Variants in ST3GAL3 observed in about 807,000 individuals in gnomAD.
ST3GAL3 encodes CMP-N-acetylneuraminate-beta-1,4-galactoside alpha-2,3-sialyltransferase.
In ST3GAL3, 21 loss-of-function variants were observed where a neutral mutation model predicts 50.1. The observed-to-expected ratio is 0.42, with a 90% CI of 0.30 to 0.60. The LOEUF is 0.60. ST3GAL3 is among the 20% of genes least tolerant of loss of function. The pLI, the probability that ST3GAL3 is intolerant of heterozygous loss-of-function variation, is 0.19. For missense variants in ST3GAL3, 353 were observed against 489.4 expected, an observed-to-expected ratio of 0.72 and a Z score of 2.63; for synonymous variants, 183 against 190.0, an observed-to-expected ratio of 0.96 and a Z score of 0.30.
At chr1:43,841,909 C>G (rs1442368190) in intron 5 of ST3GAL3, 1 of 152,214 alleles carries the variant, frequency 6.6e-6, no homozygotes, top group African/African-American at 2.4e-5. Context: ...GCACCTGTAT[C>G]TGAGTGTAAG....
intron 5 of ST3GAL3, among the ~76,000 whole-genome samples, chr1:43,882,939 T>TTTTATTTATTTA (rs899079997): frequency 1.0e-4 from 12 of 114,728 alleles, no homozygotes; most frequent in African/African-American, 3.2e-4. Context: ...GTGCCCATTC[T>TTTTATTTATTTA]TTTATTTATT....
At chr1:43,892,487 AG>A (rs1052362286) in intron 5 of ST3GAL3, among the ~76,000 whole-genome samples, 2 of 152,216 alleles carry the variant, frequency 1.3e-5, no homozygotes, top group Non-Finnish European at 2.9e-5. Flanking sequence ...GTATACCATA[AG>A]GTTAATTATC....
intron 2 of ST3GAL3, among the ~76,000 whole-genome samples, chr1:43,787,113 C>A (rs997140695): frequency 2.6e-5 from 4 of 152,210 alleles, no homozygotes; most frequent in African/African-American, 9.7e-5. Flanking sequence ...TAAAAGATTG[C>A]CAGTAAATTC....
At chr1:43,808,776 T>C (rs189280221) in intron 3 of ST3GAL3, among the ~76,000 whole-genome samples, 2 of 152,150 alleles carry the variant, frequency 1.3e-5, no homozygotes, top group African/African-American at 4.8e-5. Flanking sequence ...AGCTGATGAG[T>C]ACATGTGGAT....
At chr1:43,927,474 A>G (rs2428960) in intron 11 of ST3GAL3, among the ~76,000 whole-genome samples, 14,974 of 152,214 alleles carry the variant, frequency 0.098, 926 homozygotes, top group South Asian at 0.22. Flanking sequence ...TTAACCCTCA[A>G]TGACTCCTAG....
intron 5 of ST3GAL3, among the ~76,000 whole-genome samples, chr1:43,884,213 G>T (rs372392998): frequency 6.6e-6 from 1 of 152,148 alleles, no homozygotes; most frequent in Non-Finnish European, 1.5e-5. Context: ...AGAGCTTCCT[G>T]AACAGGCTTG....
At chr1:43,719,727 G>A (rs1365053612) in intron 1 of ST3GAL3, among the ~76,000 whole-genome samples, 2 of 74,300 alleles carry the variant, frequency 2.7e-5, no homozygotes, top group Non-Finnish European at 8.8e-5. Context: ...GAGGTCAGGA[G>A]TTGGAGACCA....
chr1:43,754,140 T>A (rs1476267423), intron 2 of ST3GAL3, among the ~76,000 whole-genome samples: 1 of 152,168 alleles, frequency 6.6e-6, no homozygotes, highest in Non-Finnish European at 1.5e-5. Flanking sequence ...ACAGAAAAAG[T>A]AACCAATTTA....
chr1:43,763,149 T>C (rs1158759852), intron 2 of ST3GAL3, among the ~76,000 whole-genome samples: 1 of 152,200 alleles, frequency 6.6e-6, no homozygotes, highest in Non-Finnish European at 1.5e-5. Context: ...TTAGAATGTT[T>C]ACCAGTAGAG....
At chr1:43,786,187 T>G (rs150170795) in intron 2 of ST3GAL3, among the ~76,000 whole-genome samples, 182 of 152,300 alleles carry the variant, frequency 1.2e-3, no homozygotes, top group African/African-American at 4.0e-3. Flanking sequence ...ATAATCAATT[T>G]AGTTCCCACA....
chr1:43,747,052 C>T (rs1476048993), intron 2 of ST3GAL3, among the ~76,000 whole-genome samples: 1 of 152,136 alleles, frequency 6.6e-6, no homozygotes, highest in Admixed American at 6.6e-5. Flanking sequence ...AGGCGTGAGC[C>T]ACTGCGCCTG....
chr1:43,920,405 G>C lies in ST3GAL3; in HGVS notation c.746G>C (p.Ser249Thr), dbSNP rs1271880192. The change falls in exon 10 of 12, where the codon AGT (serine) becomes ACT (threonine). Residue 249 changes from serine to threonine, a missense_variant and splice_region_variant. By Grantham distance (58) the Ser-to-Thr change is moderately conservative. Transcript: ENST00000347631. ...LKYIVYKERV[S>T]ASDGFWKSVA... ...GGCCCGCTTTTGCTGTGTCCACAGA[G>C]TGCATCGGATGGCTTCTGGAAATCT... 4 of 1,613,994 alleles carry C rather than the reference G, an allele frequency of 2.5e-6. No individual in the cohort carries two copies. The South Asian group carries it at 4.4e-5, about 18-fold the overall frequency.
At chr1:43,851,744 C>T (rs545598208) in intron 5 of ST3GAL3, 151 of 966,328 alleles carry the variant, frequency 1.6e-4, no homozygotes, top group African/African-American at 1.2e-3. Context: ...TGCATGGGTC[C>T]GAAGCTGCCG....
At chr1:43,882,015 T>G (rs1393176900) in intron 5 of ST3GAL3, among the ~76,000 whole-genome samples, 3 of 152,226 alleles carry the variant, frequency 2.0e-5, no homozygotes, top group African/African-American at 7.2e-5. Flanking sequence ...ACCTGCTATG[T>G]GCTTGGCTGC....
At chr1:43,904,240 T>C (rs573743073) in intron 9 of ST3GAL3, among the ~76,000 whole-genome samples, 2 of 152,226 alleles carry the variant, frequency 1.3e-5, no homozygotes, top group Non-Finnish European at 2.9e-5. Context: ...GGCCTCTTAT[T>C]GGACCAGGCC....
intron 5 of ST3GAL3, among the ~76,000 whole-genome samples, chr1:43,857,846 C>T (rs1389114437): frequency 6.6e-6 from 1 of 152,108 alleles, no homozygotes; most frequent in Non-Finnish European, 1.5e-5. Flanking sequence ...GAACTCCTGA[C>T]CTCAGGTGAT....
At chr1:43,855,945 C>G (rs2068279151) in intron 5 of ST3GAL3, among the ~76,000 whole-genome samples, 1 of 152,118 alleles carries the variant, frequency 6.6e-6, no homozygotes, top group African/African-American at 2.4e-5. Context: ...ATAACAGGAA[C>G]AGGCAAACTG....
intron 3 of ST3GAL3, among the ~76,000 whole-genome samples, chr1:43,812,548 A>G (rs934507607): frequency 6.6e-6 from 1 of 152,226 alleles, no homozygotes; most frequent in African/African-American, 2.4e-5. Flanking sequence ...TGCAGCCTCG[A>G]TCTCCCAGGC....
rs950320523 is a variant in ST3GAL3 at position 43,737,026 on chromosome 1, G to C, written c.118+646G>C. 2 of 161,376 alleles carry C rather than the reference G, an allele frequency of 1.2e-5. No individual in the cohort carries two copies. Among genetic ancestry groups the C allele is most frequent in the African/African-American group, 4.9e-5 (2 of 41,144 alleles). The allele number at this position is 161,376 out of a possible 1,614,324, so 10.0% of individuals were successfully genotyped here. A position where few individuals can be genotyped will look rare whatever the true frequency, so the allele number is the denominator to read the frequency against. On this transcript the variant is annotated intron_variant, in intron 2 of 11. Transcript: ENST00000347631. This position sits in a 1 kb window ranked among gnomAD's most constrained non-coding sequence, Gnocchi z 4.0. Reference sequence around the variant, plus strand: ...GGTTTCTGTTTACCTGATGTGGCCTGTGTTTTGGTTCTAGGCTTGCAGTTG... The same window carrying C: ...GGTTTCTGTTTACCTGATGTGGCCTCTGTTTTGGTTCTAGGCTTGCAGTTG...
Sources: allele counts gnomAD v4.1 joint callset (sites outside exome capture counted in the v4.1 genomes callset), GRCh38; gene constraint gnomAD v4.1.1; non-coding constraint Gnocchi (gnomAD v3.1); transcripts MANE v1.5; gene names NCBI Gene and HGNC (gene_info 2026-07-23, HGNC 2026-07-21).